Variants in NCALD observed in about 807,000 individuals in gnomAD.
NCALD encodes neurocalcin-delta.
In NCALD, 10 loss-of-function variants were observed where a neutral mutation model predicts 18.6. The ratio of observed to expected loss-of-function variants is 0.54; its 90% CI spans 0.33 to 0.91. The LOEUF is 0.91. Ranked by LOEUF, NCALD falls within the 40% of genes least tolerant of loss-of-function variation. The pLI is 0.03. For synonymous variants in NCALD, 88 were observed against 87.4 expected (o/e 1.01, Z -0.04); for missense variants, 184 against 247.6 (o/e 0.74, Z 1.72).
At chr8:101,944,371 A>G (rs777787215) in intron 2 of NCALD, among the ~76,000 whole-genome samples, 5 of 152,214 alleles carry the variant, frequency 3.3e-5, no homozygotes, top group Non-Finnish European at 7.3e-5. Context: ...CAAGACCTAT[A>G]AAGAACAGTA....
chr8:101,782,785 A>G (rs1489547161), intron 1 of NCALD, among the ~76,000 whole-genome samples: 3 of 152,152 alleles, frequency 2.0e-5, no homozygotes, highest in Non-Finnish European at 4.4e-5. Flanking sequence ...CTCTGGGGTT[A>G]ATCTGTTCAC....
At chr8:102,059,761 A>G (rs951796178) in intron 1 of NCALD, among the ~76,000 whole-genome samples, 4 of 152,140 alleles carry the variant, frequency 2.6e-5, no homozygotes, top group African/African-American at 9.7e-5. Flanking sequence ...TGAGCCCTGA[A>G]CACCCCACTC....
intron 2 of NCALD, among the ~76,000 whole-genome samples, chr8:102,003,519 A>AACTC (rs1821564570): frequency 6.6e-6 from 1 of 152,222 alleles, no homozygotes; most frequent in Non-Finnish European, 1.5e-5. Context: ...AATCCTCCCT[A>AACTC]ACTCATTTTA....
chr8:102,095,036 A>G (rs889952728), intron 1 of NCALD, among the ~76,000 whole-genome samples: 3 of 152,184 alleles, frequency 2.0e-5, no homozygotes, highest in Non-Finnish European at 4.4e-5. Context: ...AATTTGTTCT[A>G]ATTTGTTGCA....
chr8:101,727,766 C>T (rs976705668), intron 1 of NCALD, among the ~76,000 whole-genome samples: 2 of 152,248 alleles, frequency 1.3e-5, no homozygotes, highest in East Asian at 1.9e-4. Flanking sequence ...CAAGGCTCTG[C>T]GTGAGCTGGC....
intron 4 of NCALD, among the ~76,000 whole-genome samples, chr8:101,860,609 T>C (rs1164087706): frequency 6.6e-6 from 1 of 152,202 alleles, no homozygotes; most frequent in Non-Finnish European, 1.5e-5. Flanking sequence ...CAAGTATCCA[T>C]GTGGCTCATA....
intron 2 of NCALD, among the ~76,000 whole-genome samples, chr8:101,695,337 G>A (rs1055221183): frequency 6.6e-6 from 1 of 152,152 alleles, no homozygotes; most frequent in African/African-American, 2.4e-5. Context: ...GGGCTGGATT[G>A]TTCCTTCTCC....
intron 1 of NCALD, among the ~76,000 whole-genome samples, chr8:102,072,456 C>A (rs963271872): frequency 2.0e-5 from 3 of 152,094 alleles, no homozygotes; most frequent in Non-Finnish European, 4.4e-5. Flanking sequence ...GATAGTCAAC[C>A]ATTTTTCAAC....
At chr8:102,012,491 A>G (rs1348956723) in intron 2 of NCALD, among the ~76,000 whole-genome samples, 1 of 152,232 alleles carries the variant, frequency 6.6e-6, no homozygotes, top group East Asian at 1.9e-4. Context: ...GACGACAAGG[A>G]CGTAAGGAGA....
intron 4 of NCALD, among the ~76,000 whole-genome samples, chr8:101,863,481 G>T (rs1333029597): frequency 6.6e-6 from 1 of 150,790 alleles, no homozygotes; most frequent in Non-Finnish European, 1.5e-5. Context: ...TTTAACCCAG[G>T]CTTCCTCTAT....
intron 4 of NCALD, among the ~76,000 whole-genome samples, chr8:101,860,301 G>A (rs1815486959): frequency 6.6e-6 from 1 of 152,224 alleles, no homozygotes; most frequent in African/African-American, 2.4e-5. Context: ...ACAAGGACAT[G>A]AAGGCCATGG....
intron 2 of NCALD, among the ~76,000 whole-genome samples, chr8:101,928,295 T>C (rs1379424455): frequency 6.6e-6 from 1 of 152,210 alleles, no homozygotes; most frequent in East Asian, 1.9e-4. Context: ...CCATATTTAG[T>C]CTTAACTATT....
intron 1 of NCALD, among the ~76,000 whole-genome samples, chr8:102,111,755 G>T (rs1768563771): frequency 6.6e-6 from 1 of 151,934 alleles, no homozygotes; most frequent in Non-Finnish European, 1.5e-5. Flanking sequence ...TCCCCTCCAA[G>T]CACATGCAAC....
In NCALD at chr8:101,723,956, C is replaced by T. The variant is rs185429068; in HGVS notation, c.-19-4308G>A. On this transcript the variant is annotated intron_variant, in intron 1 of 3. Coordinates refer to ENST00000220931, the MANE Select transcript of NCALD (RefSeq NM_032041.3). ...AGAATCACATTTTTCTTAAGTAACA[C>T]TCTATAAGCCAATTCTACACAATTA... Among the ~76,000 whole-genome samples the T allele has an allele frequency of 4.6e-5, 7 of 152,250 alleles. No homozygotes were observed. In the East Asian group the frequency reaches 1.3e-3, roughly 29 times the overall value.
intron 4 of NCALD, among the ~76,000 whole-genome samples, chr8:101,881,941 C>G (rs1456019662): frequency 6.6e-6 from 1 of 152,172 alleles, no homozygotes; most frequent in Non-Finnish European, 1.5e-5. Flanking sequence ...TAAAACAGAG[C>G]AGTGTGAGTC....
chr8:101,803,224 A>G (rs1812936103), intron 4 of NCALD, among the ~76,000 whole-genome samples: 1 of 152,214 alleles, frequency 6.6e-6, no homozygotes, highest in Admixed American at 6.5e-5. Context: ...AATTATGCTA[A>G]GTCTACTCTG....
chr8:101,938,110 C>T (rs1442089073), intron 2 of NCALD, among the ~76,000 whole-genome samples: 2 of 152,206 alleles, frequency 1.3e-5, no homozygotes, highest in Admixed American at 6.5e-5. Context: ...CCAAAAATTC[C>T]GATAAACCTT....
chr8:101,760,459 T>A (rs2130828792), intron 1 of NCALD, among the ~76,000 whole-genome samples: 1 of 152,278 alleles, frequency 6.6e-6, no homozygotes, highest in South Asian at 2.1e-4. Flanking sequence ...GGGACCTCCA[T>A]TCATCCTAAA....
At chr8:102,037,936 T>C (rs1307169789) in intron 1 of NCALD, among the ~76,000 whole-genome samples, 2 of 152,202 alleles carry the variant, frequency 1.3e-5, no homozygotes, top group South Asian at 2.1e-4. Flanking sequence ...AAAAGATTTT[T>C]ATTATTTCAA....
Sources: gnomAD v4.1 joint callset for allele counts (sites outside exome capture counted in the v4.1 genomes callset) on GRCh38, gnomAD v4.1.1 for gene constraint, MANE v1.5 for transcripts, NCBI Gene and HGNC (gene_info 2026-07-23, HGNC 2026-07-21) for gene names.